Variants in CD34 observed in about 807,000 individuals in gnomAD.
CD34 encodes the protein hematopoietic progenitor cell antigen CD34.
In CD34, 34 loss-of-function variants were observed where a neutral mutation model predicts 40.1. The observed-to-expected ratio is 0.85, with a 90% CI of 0.65 to 1.13. The LOEUF (loss-of-function observed/expected upper bound fraction) is 1.13, where lower values mean the gene tolerates loss of function less well. Among genes scored for constraint, CD34 ranks in the 50% most tolerant of loss-of-function variants. The pLI is 0.00. For synonymous variants in CD34, 209 were observed against 190.0 expected (o/e 1.10, Z -0.82); for missense variants, 426 against 466.9 (o/e 0.91, Z 0.81).
In CD34 at chr1:207,889,178, G is replaced by T; in HGVS notation, c.790C>A (p.Gln264Lys). Residue 264 changes from glutamine (Q) to lysine (K), a missense_variant, in exon 6 of 8, where the codon CAA becomes AAA. Physicochemically the swap from Gln to Lys is moderately conservative, Grantham distance 53. Transcript: ENST00000310833. Reference protein sequence around the residue: ...SSKLQLMKKHQSDLKKLGILD... With the variant: ...SSKLQLMKKHKSDLKKLGILD... ...GGACTTACCTTTTTCAGGTCAGATT[G>T]GTGCTTTTTCATAAGTTGGAGTTTG... 1 of 1,597,666 alleles carries T rather than the reference G, an allele frequency of 6.3e-7. No individual in the cohort carries two copies. The highest frequency in any genetic ancestry group is 1.3e-5 in the African/African-American group (1 of 74,764).
chr1:207,901,531 A>G (rs1436877385), intron 1 of CD34, among the ~76,000 whole-genome samples: 1 of 152,190 alleles, frequency 6.6e-6, no homozygotes. Context: ...TGTGAGCCAG[A>G]GTCATGGGTA....
Position 207,899,201 on chromosome 1 carries a change from G to T in CD34, c.288C>A (p.Thr96=). The change falls in exon 3 of 8, where the codon ACC becomes ACA. Residue 96 remains threonine, a synonymous_variant. Transcript: ENST00000310833. ...ITETTVKFTS[T]SVITSVYGNT... ...TTCCATAAACTGAGGTTATCACAGA[G>T]GTAGATGTGAATTTGACTGTCGTTT... 3.7e-6 allele frequency: 6 copies of T among 1,614,106 alleles called. No homozygotes were observed. Among genetic ancestry groups the T allele is most frequent in the Non-Finnish European group, 4.2e-6 (5 of 1,179,956 alleles).
intron 7 of CD34, 134 bp downstream of exon 7, chr1:207,888,548 A>C: frequency 4.7e-6 from 4 of 856,690 alleles, no homozygotes; most frequent in Middle Eastern, 3.7e-4. Context: ...CTGTGTGTGC[A>C]CACATGCATA....
intron 4 of CD34, among the ~76,000 whole-genome samples, chr1:207,892,880 T>C (rs537527678): frequency 2.6e-5 from 4 of 152,248 alleles, no homozygotes; most frequent in Non-Finnish European, 5.9e-5. Flanking sequence ...TCCCAACCAG[T>C]TGGCCTCCAC....
chr1:207,910,877 C>T (rs1662497215), intron 1 of CD34, 125 bp downstream of exon 1: 11 of 937,242 alleles, frequency 1.2e-5, no homozygotes, highest in South Asian at 6.1e-5. Flanking sequence ...CTGTGGGCGG[C>T]AGTGCGTGGG....
intron 4 of CD34, among the ~76,000 whole-genome samples, chr1:207,894,502 G>T (rs1056082640): frequency 2.0e-5 from 3 of 152,122 alleles, no homozygotes; most frequent in Non-Finnish European, 2.9e-5. Flanking sequence ...CTACTCAATG[G>T]TACCCTTAAA....
intron 1 of CD34, among the ~76,000 whole-genome samples, chr1:207,901,093 C>T (rs1179606001): frequency 6.6e-6 from 1 of 151,054 alleles, no homozygotes; most frequent in Admixed American, 6.6e-5. Context: ...TAACCTTAAG[C>T]TCCTGGCCTC....
intron 4 of CD34, 140 bp from the exon 5 acceptor site, chr1:207,889,761 A>AC: frequency 6.3e-7 from 1 of 1,587,368 alleles, no homozygotes; most frequent in East Asian, 2.2e-5. Context: ...AACAGAAAAA[A>AC]AAAAAACTGC....
intron 3 of CD34, among the ~76,000 whole-genome samples, chr1:207,897,824 T>A (rs577625661): frequency 6.6e-6 from 1 of 152,320 alleles, no homozygotes; most frequent in East Asian, 1.9e-4. Context: ...AAGCAGCTAT[T>A]TGCAACCTTG....
At position 207,886,677 on chromosome 1, in the gene CD34, G is replaced by A. The variant is rs1475021738; in HGVS notation, c.*1061C>T. On this transcript the variant is annotated 3_prime_UTR_variant, in exon 8 of 8. Transcript: ENST00000310833. Reference sequence around the variant, plus strand: ...CCAGGATCCCTGCTCAACCCCTCTGGAAAGAAATCAACAGCAAACAAGGAC... The same window carrying A: ...CCAGGATCCCTGCTCAACCCCTCTGAAAAGAAATCAACAGCAAACAAGGAC... The A allele has an allele frequency of 6.6e-6, 1 of 152,618 alleles. No homozygotes were observed. The highest frequency in any genetic ancestry group is 1.5e-5 in the Non-Finnish European group (1 of 68,096). The allele number at this position is 152,618 out of a possible 1,614,324, so 9.5% of individuals were successfully genotyped here. A position where few individuals can be genotyped will look rare whatever the true frequency, so the allele number is the denominator to read the frequency against.
At chr1:207,906,507 G>T (rs1261272968) in intron 1 of CD34, among the ~76,000 whole-genome samples, 1 of 152,092 alleles carries the variant, frequency 6.6e-6, no homozygotes, top group Non-Finnish European at 1.5e-5. Context: ...AGGGTCTGTG[G>T]CCTGAGGGTT....
rs1316228006 is a variant in CD34 at position 207,889,446 on chromosome 1, A to T, written c.754+19T>A. 3.1e-6 allele frequency: 5 copies of T among 1,600,526 alleles called. No individual in the cohort carries two copies. Among genetic ancestry groups the T allele is most frequent in the Non-Finnish European group, 4.3e-6 (5 of 1,171,864 alleles). On this transcript the variant is annotated intron_variant, in intron 5 of 7. Coordinates refer to ENST00000310833, the MANE Select transcript of CD34 (RefSeq NM_001025109.2). ...AGCCCTACTCCTTCCCTGTTCCCCCAGGCAGAGGTGCACCTTACCTGTTCT... is the reference window on the plus strand; with the variant it reads ...AGCCCTACTCCTTCCCTGTTCCCCCTGGCAGAGGTGCACCTTACCTGTTCT...
At chr1:207,897,670 A>T (rs905669631) in intron 3 of CD34, 97 bp from the exon 4 acceptor site, 3 of 919,102 alleles carry the variant, frequency 3.3e-6, no homozygotes, top group Non-Finnish European at 5.2e-6. Context: ...GCTTTCTGTG[A>T]GGTGCTCTCT....
chr1:207,888,695 G>A lies in CD34; in HGVS notation c.959C>T (p.Thr320Ile). 1 of 1,614,122 alleles carries A rather than the reference G, an allele frequency of 6.2e-7. No individual in the cohort carries two copies. The highest frequency in any genetic ancestry group is 8.5e-7 in the Non-Finnish European group (1 of 1,180,024). Residue 320 changes from threonine (T) to isoleucine (I), a missense_variant, in exon 7 of 8, where the codon ACA (threonine) becomes ATA (isoleucine). Transcript: ENST00000310833. ...CCCAGAACTGACCAGCCTTTCTCCT[G>A]TGGGGCTCCAGCTGCGGCGATTCAT... ...FLMNRRSWSP[T>I]GERLGEDPYY...
At chr1:207,894,093 T>C (rs138051634) in intron 4 of CD34, among the ~76,000 whole-genome samples, 1 of 152,326 alleles carries the variant, frequency 6.6e-6, no homozygotes, top group Non-Finnish European at 1.5e-5. Context: ...AAGGAGATAT[T>C]TGTACACTTA....
chr1:207,905,888 A>T (rs1312384974), intron 1 of CD34, among the ~76,000 whole-genome samples: 1 of 152,256 alleles, frequency 6.6e-6, no homozygotes, highest in Non-Finnish European at 1.5e-5. Flanking sequence ...TTGCTGAGAC[A>T]TCTCATTATG....
At chr1:207,889,924 C>G (rs1661995790) in intron 4 of CD34, 5 of 1,489,694 alleles carry the variant, frequency 3.4e-6, no homozygotes, top group Non-Finnish European at 4.4e-6. Flanking sequence ...GCAAATTAAA[C>G]TCAAAAGAAA....
chr1:207,909,019 G>A (rs928763239), intron 1 of CD34, among the ~76,000 whole-genome samples: 1 of 152,104 alleles, frequency 6.6e-6, no homozygotes, highest in African/African-American at 2.4e-5. Context: ...TGTATCCCAG[G>A]ACTGAAAATG....
chr1:207,897,068 T>C (rs1376212616), intron 4 of CD34, among the ~76,000 whole-genome samples: 1 of 152,096 alleles, frequency 6.6e-6, no homozygotes. Flanking sequence ...TACGTGTAAA[T>C]ATTTAATAAT....
Sources: gnomAD v4.1 joint callset for allele counts (sites outside exome capture counted in the v4.1 genomes callset) on GRCh38, gnomAD v4.1.1 for gene constraint, MANE v1.5 for transcripts, NCBI Gene and HGNC (gene_info 2026-07-23, HGNC 2026-07-21) for gene names.